The following CHD7 variants were observed in gnomAD, a reference collection of about 807,000 sequenced individuals.
CHD7 encodes chromodomain helicase DNA binding protein 7, also known as ATP-dependent chromatin remodeler CHD7.
In CHD7, 24 loss-of-function variants were observed where a neutral mutation model predicts 307.3. The observed-to-expected ratio is 0.08, with a 90% CI of 0.06 to 0.11. CHD7 has a LOEUF of 0.11. Ranked by LOEUF, CHD7 falls within the 10% of genes least tolerant of loss-of-function variation. The pLI, the probability that CHD7 is intolerant of heterozygous loss-of-function variation, is 1.00. For synonymous variants in CHD7, 1,363 were observed against 1,349.9 expected (o/e 1.01, Z -0.21); for missense variants, 3,106 against 3,727.1 (o/e 0.83, Z 4.34).
intron 4 of CHD7, among the ~76,000 whole-genome samples, chr8:60,798,925 C>T (rs10109193): frequency 0.8 from 121,352 of 152,116 alleles, 48,581 homozygotes; most frequent in East Asian, 0.94. Flanking sequence ...TATAGAATTA[C>T]TCTGAACAGA....
intron 1 of CHD7, among the ~76,000 whole-genome samples, chr8:60,735,327 C>T (rs983345530): frequency 2.6e-5 from 4 of 152,140 alleles, no homozygotes; most frequent in African/African-American, 9.7e-5. Flanking sequence ...AGTGGTTTTC[C>T]TTATTAAAAA....
intron 15 of CHD7, among the ~76,000 whole-genome samples, chr8:60,833,260 A>G (rs1025077587): frequency 6.8e-4 from 103 of 152,236 alleles, no homozygotes; most frequent in African/African-American, 2.1e-3. Flanking sequence ...TTTTATATGT[A>G]TGAGTTGAAA....
At chr8:60,784,904 C>A (rs1420116902) in intron 3 of CHD7, among the ~76,000 whole-genome samples, 1 of 152,076 alleles carries the variant, frequency 6.6e-6, no homozygotes, top group Non-Finnish European at 1.5e-5. Context: ...TTTTCCCTTT[C>A]CCGTTTTATG....
At chr8:60,685,483 C>T (rs1805836458) in intron 1 of CHD7, among the ~76,000 whole-genome samples, 1 of 152,276 alleles carries the variant, frequency 6.6e-6, no homozygotes, top group Non-Finnish European at 1.5e-5. Context: ...TTGCTAGTCA[C>T]ATATTAGGGC....
At chr8:60,838,922 A>T (rs1180837848) in intron 19 of CHD7, among the ~76,000 whole-genome samples, 1 of 152,222 alleles carries the variant, frequency 6.6e-6, no homozygotes, top group Non-Finnish European at 1.5e-5. Flanking sequence ...TAATGACTTT[A>T]TTGAAATGTA....
chr8:60,816,163 T>A (rs1441825245), intron 7 of CHD7, among the ~76,000 whole-genome samples: 1 of 139,804 alleles, frequency 7.2e-6, no homozygotes, highest in Non-Finnish European at 1.5e-5. Flanking sequence ...CTGTAACAGG[T>A]AAGAGAGCTG....
chr8:60,702,302 G>A (rs1345067891), intron 1 of CHD7, among the ~76,000 whole-genome samples: 1 of 151,916 alleles, frequency 6.6e-6, no homozygotes, highest in Non-Finnish European at 1.5e-5. Flanking sequence ...AAATGTGGTG[G>A]GTATATAATC....
At chr8:60,721,793 G>GGT (rs974004471) in intron 1 of CHD7, among the ~76,000 whole-genome samples, 3 of 152,184 alleles carry the variant, frequency 2.0e-5, no homozygotes, top group African/African-American at 7.2e-5. Context: ...GGAGACTTGA[G>GGT]GTAGGGATAG....
chr8:60,860,471 G>A (rs980897079), intron 34 of CHD7, among the ~76,000 whole-genome samples: 1 of 152,316 alleles, frequency 6.6e-6, no homozygotes, highest in East Asian at 1.9e-4. Context: ...GTCTCACTCT[G>A]TTGCCTAGGC....
chr8:60,779,778 CT>C (rs1811117728), intron 2 of CHD7, among the ~76,000 whole-genome samples: 2 of 152,158 alleles, frequency 1.3e-5, no homozygotes, highest in Non-Finnish European at 2.9e-5. Flanking sequence ...AGTGAGGACT[CT>C]GGAGCTATTG....
At chr8:60,714,732 G>A (rs1039979479) in intron 1 of CHD7, among the ~76,000 whole-genome samples, 4 of 152,196 alleles carry the variant, frequency 2.6e-5, no homozygotes, top group Admixed American at 2.0e-4. Flanking sequence ...CGTCTCGGGA[G>A]GCCTTCTCTG....
chr8:60,743,118 C>T (rs1473113518), intron 2 of CHD7, 21 bp downstream of exon 2: 1 of 1,592,456 alleles, frequency 6.3e-7, no homozygotes, highest in South Asian at 1.1e-5. Flanking sequence ...ACAGAGCCTA[C>T]CTCTGCATTG....
At chr8:60,704,137 C>T (rs775741985) in intron 1 of CHD7, among the ~76,000 whole-genome samples, 10 of 152,180 alleles carry the variant, frequency 6.6e-5, no homozygotes, top group Non-Finnish European at 1.2e-4. Context: ...TTCCTCAGTA[C>T]TCATGTCATA....
chr8:60,864,750 G>T, intron 37 of CHD7: 1 of 462,804 alleles, frequency 2.2e-6, no homozygotes, highest in South Asian at 2.7e-5. Context: ...TCTGATGTAT[G>T]ATTTCTTGAG....
At chr8:60,799,428 A>G (rs1407561957) in intron 4 of CHD7, among the ~76,000 whole-genome samples, 1 of 152,216 alleles carries the variant, frequency 6.6e-6, no homozygotes, top group Admixed American at 6.5e-5. Context: ...TTTAATTTTA[A>G]CCACTATGGT....
intron 2 of CHD7, among the ~76,000 whole-genome samples, chr8:60,748,998 C>A (rs1809482935): frequency 6.7e-6 from 1 of 149,730 alleles, no homozygotes; most frequent in African/African-American, 2.5e-5. Flanking sequence ...AAAAAAATAG[C>A]CTTTCAGGGA....
At position 60,772,303 on chromosome 8, in the gene CHD7, A is replaced by G. The variant is rs146188518; in HGVS notation, c.1666-8697A>G. ...TGGGATTGTTCAGTGTTGCAGACAC[A>G]CCTTTGACAGTCTTTGAAGTTTGAC... On this transcript the variant is annotated intron_variant, in intron 2 of 37. Transcript: ENST00000423902. 3.1e-3 allele frequency among the ~76,000 whole-genome samples: 472 copies of G among 152,306 alleles called. 6 individuals are homozygous for G. Among genetic ancestry groups the G allele is most frequent in the African/African-American group, 0.011 (450 of 41,556 alleles).
At chr8:60,731,588 C>A (rs1277147001) in intron 1 of CHD7, among the ~76,000 whole-genome samples, 1 of 152,214 alleles carries the variant, frequency 6.6e-6, no homozygotes, top group African/African-American at 2.4e-5. Context: ...GTTGAAATGA[C>A]TGTGAAATAT....
At chr8:60,832,242 A>G (rs779469328) in intron 15 of CHD7, among the ~76,000 whole-genome samples, 6 of 151,984 alleles carry the variant, frequency 3.9e-5, no homozygotes, top group Non-Finnish European at 8.8e-5. Flanking sequence ...CCAGGCTGGT[A>G]TCGAACTCCT....
Sources: allele counts gnomAD v4.1 joint callset (sites outside exome capture counted in the v4.1 genomes callset), GRCh38; gene constraint gnomAD v4.1.1; transcripts MANE v1.5; gene names NCBI Gene and HGNC (gene_info 2026-07-23, HGNC 2026-07-21).